Variants in TSG101 observed in about 807,000 individuals in gnomAD.
The protein encoded by TSG101 is tumor susceptibility gene 101 protein.
TSG101 carries 19 observed loss-of-function variants against 48.5 expected under a neutral mutation model. The ratio of observed to expected loss-of-function variants is 0.39; its 90% CI spans 0.27 to 0.58. The LOEUF is 0.58. TSG101 is among the 20% of genes least tolerant of loss of function. TSG101 has a pLI of 0.55. For missense variants in TSG101, 365 were observed against 484.4 expected (o/e 0.75, Z 2.31); for synonymous variants, 174 against 169.4 (o/e 1.03, Z -0.21).
At chr11:18,488,969 G>T (rs746424622) in intron 7 of TSG101, among the ~76,000 whole-genome samples, 4 of 151,942 alleles carry the variant, frequency 2.6e-5, no homozygotes, top group African/African-American at 7.3e-5. Context: ...ACAAAAATTA[G>T]CTGGGCGTGG....
intron 6 of TSG101, among the ~76,000 whole-genome samples, chr11:18,503,663 C>T (rs1247823043): frequency 6.6e-6 from 1 of 152,160 alleles, no homozygotes; most frequent in Non-Finnish European, 1.5e-5. Flanking sequence ...TGAGCCACCG[C>T]ACCCAGCCCT....
chr11:18,485,974 A>G (rs1849614063), intron 7 of TSG101, among the ~76,000 whole-genome samples: 1 of 152,070 alleles, frequency 6.6e-6, no homozygotes, highest in Non-Finnish European at 1.5e-5. Context: ...TTTCCCATTG[A>G]TTCTTCCTCA....
At chr11:18,495,564 A>T (rs1421174300) in intron 7 of TSG101, among the ~76,000 whole-genome samples, 2 of 151,998 alleles carry the variant, frequency 1.3e-5, no homozygotes, top group East Asian at 3.8e-4. Flanking sequence ...GGGATCTTGT[A>T]TGTGAAACTG....
At chr11:18,523,922 C>G (rs1279059614) in intron 1 of TSG101, among the ~76,000 whole-genome samples, 1 of 152,184 alleles carries the variant, frequency 6.6e-6, no homozygotes, top group African/African-American at 2.4e-5. Flanking sequence ...TCTCAAGTAG[C>G]TAGGACTACA....
intron 7 of TSG101, chr11:18,490,516 CT>C (rs1242201508): frequency 2.9e-4 from 142 of 491,156 alleles, no homozygotes; most frequent in Non-Finnish European, 1.2e-4. Flanking sequence ...ATTTCAAATG[CT>C]TCCTGGTAAG....
intron 7 of TSG101, among the ~76,000 whole-genome samples, chr11:18,491,723 G>A (rs1849703678): frequency 6.6e-6 from 1 of 152,208 alleles, no homozygotes; most frequent in Non-Finnish European, 1.5e-5. Flanking sequence ...AGAAGTGCAG[G>A]TGGTTTTGTG....
Position 18,484,078 on chromosome 11 carries a change from G to A in TSG101, c.641-6C>T. 2 of 1,613,372 alleles carry A rather than the reference G, an allele frequency of 1.2e-6. No individual in the cohort carries two copies. The highest frequency in any genetic ancestry group is 1.3e-5 in the African/African-American group (1 of 75,006). On this transcript the variant is annotated splice_region_variant and splice_polypyrimidine_tract_variant and intron_variant, in intron 7 of 9. Coordinates refer to ENST00000251968, the MANE Select transcript of TSG101 (RefSeq NM_006292.4). ...TGTGCCATCCCTACTGGGACCTGCA[G>A]GAAACAGAGGCAAAAAACACTTGCT... is the stretch of plus-strand genomic sequence containing the variant.
chr11:18,496,199 T>C (rs10766483), intron 7 of TSG101, among the ~76,000 whole-genome samples: 56,506 of 151,824 alleles, frequency 0.37, 11,047 homozygotes, highest in East Asian at 0.66. Context: ...TGAGGTGGCT[T>C]ATGCCTGTAA....
At chr11:18,521,669 CCTTTTTTTTTT>C (rs1297028047) in intron 1 of TSG101, among the ~76,000 whole-genome samples, 2 of 111,440 alleles carry the variant, frequency 1.8e-5, no homozygotes, top group South Asian at 3.0e-4. Flanking sequence ...CTGGCCCCTT[CCTTTTTTTTTT>C]TTTTTTTTTT....
At position 18,502,514 on chromosome 11, in the gene TSG101, G is replaced by A; in HGVS notation, c.612C>T (p.Tyr204=). ...GPYPATTSSQ[Y]PSQPPVTTVG... is the part of the protein sequence containing the mutation. ...CAGTGGTCACAGGAGGCTGAGAAGGGTACTGAGAACTTGTTGTGGCAGGAT... is the reference window on the plus strand; with the variant it reads ...CAGTGGTCACAGGAGGCTGAGAAGGATACTGAGAACTTGTTGTGGCAGGAT... Residue 204 remains tyrosine (Y), a synonymous_variant, in exon 7 of 10, where the codon TAC becomes TAT. Transcript: ENST00000251968. 1 of 1,613,504 alleles carries A rather than the reference G, an allele frequency of 6.2e-7. No homozygotes were observed. Among genetic ancestry groups the A allele is most frequent in the Non-Finnish European group, 8.5e-7 (1 of 1,179,700 alleles).
At chr11:18,487,533 A>G (rs1849637486) in intron 7 of TSG101, among the ~76,000 whole-genome samples, 3 of 152,194 alleles carry the variant, frequency 2.0e-5, no homozygotes, top group African/African-American at 7.2e-5. Flanking sequence ...TGTAACCATT[A>G]AAATTTTTTT....
chr11:18,499,381 A>AATATATATATAT lies in TSG101; in HGVS notation c.640+3093_640+3104dup, dbSNP rs1229188041. 2.5e-3 allele frequency among the ~76,000 whole-genome samples: 31 copies of AATATATATATAT among 12,284 alleles called. 4 individuals are homozygous for AATATATATATAT. Among genetic ancestry groups the AATATATATATAT allele is most frequent in the Admixed American group, 0.012 (5 of 422 alleles). 8.1% of individuals were successfully genotyped at this position (12,284 alleles called of 152,430 possible). A position where few individuals can be genotyped will look rare whatever the true frequency, so the allele number is the denominator to read the frequency against. The stretch of plus-strand genomic sequence containing the variant: ...TTATATATAAATATGTTTATATTTA[A>AATATATATATAT]ATATATATATATATATATATATTTT... On this transcript the variant is annotated intron_variant, in intron 7 of 9. Coordinates refer to ENST00000251968, the MANE Select transcript of TSG101 (RefSeq NM_006292.4).
At chr11:18,484,150 G>A in intron 7 of TSG101, 78 bp from the exon 8 acceptor site, 2 of 1,455,280 alleles carry the variant, frequency 1.4e-6, no homozygotes, top group Admixed American at 1.8e-5. Context: ...CTTCAGAAAA[G>A]GGGGCAATAT....
chr11:18,500,571 CTGA>C (rs1224448959), intron 7 of TSG101, among the ~76,000 whole-genome samples: 4 of 152,004 alleles, frequency 2.6e-5, no homozygotes, highest in African/African-American at 9.7e-5. Flanking sequence ...CTGCATTTTC[CTGA>C]TGATGAGTGA....
chr11:18,490,454 T>C lies in TSG101; in HGVS notation c.641-6382A>G, dbSNP rs889129293. ...CATAGTAAAAGACTGAGAAATTAAG[T>C]GCCAGACCAAGTCAAACTGGATGTG... On this transcript the variant is annotated intron_variant, in intron 7 of 9. Transcript: ENST00000251968. 4.4e-5 allele frequency: 24 copies of C among 544,298 alleles called. No homozygotes were observed. The Admixed American group carries it at 5.8e-4, about 13-fold the overall frequency. The allele number at this position is 544,298 out of a possible 1,614,324, so 33.7% of individuals were successfully genotyped here.
intron 6 of TSG101, among the ~76,000 whole-genome samples, chr11:18,504,487 G>C (rs954639087): frequency 2.0e-5 from 3 of 151,956 alleles, no homozygotes; most frequent in Non-Finnish European, 4.4e-5. Context: ...ACTGAACACA[G>C]TACTTTTGTT....
At chr11:18,485,600 T>C (rs77951303) in intron 7 of TSG101, among the ~76,000 whole-genome samples, 6,086 of 152,228 alleles carry the variant, frequency 0.04, 275 homozygotes, top group East Asian at 0.2. Context: ...AAGGTAATTA[T>C]TAAAATTGTT....
intron 9 of TSG101, 61 bp downstream of exon 9, chr11:18,481,569 G>A (rs1299923779): frequency 1.3e-6 from 2 of 1,559,602 alleles, no homozygotes; most frequent in Non-Finnish European, 1.7e-6. Flanking sequence ...TTTGTGGTTT[G>A]CAAGGTCAGT....
At chr11:18,510,004 T>C (rs144449859) in intron 4 of TSG101, among the ~76,000 whole-genome samples, 32 of 152,308 alleles carry the variant, frequency 2.1e-4, no homozygotes, top group Non-Finnish European at 4.0e-4. Flanking sequence ...GGTACAAATT[T>C]AGGGATGAAT....
Sources: allele counts gnomAD v4.1 joint callset (sites outside exome capture counted in the v4.1 genomes callset), GRCh38; gene constraint gnomAD v4.1.1; transcripts MANE v1.5; gene names NCBI Gene and HGNC (gene_info 2026-07-23, HGNC 2026-07-21).